The following KAZN variants were observed in gnomAD, a reference collection of about 807,000 sequenced individuals.
KAZN encodes kazrin.
KAZN carries 40 observed loss-of-function variants against 87.4 expected under a neutral mutation model. The ratio of observed to expected loss-of-function variants is 0.46; its 90% CI spans 0.36 to 0.60. The LOEUF (loss-of-function observed/expected upper bound fraction) is 0.60. Among genes scored for constraint, KAZN ranks in the 20% least tolerant of loss-of-function variants. KAZN has a pLI of 0.00. For missense variants in KAZN, 898 were observed against 1,073.9 expected, an observed-to-expected ratio of 0.84 and a Z score of 2.29; for synonymous variants, 466 against 458.3, an observed-to-expected ratio of 1.02 and a Z score of -0.22.
chr1:14,355,112 T>G (rs1430735294), intron 2 of KAZN, among the ~76,000 whole-genome samples: 5 of 152,140 alleles, frequency 3.3e-5, no homozygotes, highest in Non-Finnish European at 7.3e-5. Context: ...AACTATATGA[T>G]TCCACCTATA....
At chr1:14,668,967 C>T (rs1302350214) in intron 1 of KAZN, among the ~76,000 whole-genome samples, 1 of 152,190 alleles carries the variant, frequency 6.6e-6, no homozygotes, top group Non-Finnish European at 1.5e-5. Flanking sequence ...CCCCGGAGAC[C>T]CTTTCAGACA....
At chr1:14,344,895 C>A (rs890714139) in intron 2 of KAZN, among the ~76,000 whole-genome samples, 1 of 151,822 alleles carries the variant, frequency 6.6e-6, no homozygotes, top group Non-Finnish European at 1.5e-5. Context: ...AACACAAACA[C>A]ACACCATTGC....
intron 2 of KAZN, among the ~76,000 whole-genome samples, chr1:14,539,969 T>A (rs930784287): frequency 6.6e-6 from 1 of 152,120 alleles, no homozygotes; most frequent in Non-Finnish European, 1.5e-5. Flanking sequence ...GCCATCCCCA[T>A]CCCATTGTGT....
At chr1:14,486,286 C>T (rs1280531052) in intron 2 of KAZN, among the ~76,000 whole-genome samples, 1 of 152,200 alleles carries the variant, frequency 6.6e-6, no homozygotes, top group Non-Finnish European at 1.5e-5. Flanking sequence ...TTTGAAAGCT[C>T]TCCCTTTACT....
At chr1:14,179,873 C>T (rs938231058) in intron 1 of KAZN, among the ~76,000 whole-genome samples, 2 of 152,274 alleles carry the variant, frequency 1.3e-5, no homozygotes, top group Admixed American at 1.3e-4. Flanking sequence ...ATCTATAACA[C>T]ATCAGATGGT....
Position 14,741,953 on chromosome 1 carries a change from G to T in KAZN, c.226+142730G>T, listed in dbSNP as rs192527916. Among the ~76,000 whole-genome samples, 33 of 151,680 alleles carry T rather than the reference G, an allele frequency of 2.2e-4. No homozygotes were observed. In the East Asian group the frequency reaches 6.2e-3, roughly 28 times the overall value. ...TCTCTCTTGTGGTTGTTTTTTTTTGGGTTGTTTTTTGTTTTGTTTAGGATT... is the reference window on the plus strand; with the variant it reads ...TCTCTCTTGTGGTTGTTTTTTTTTGTGTTGTTTTTTGTTTTGTTTAGGATT... On this transcript the variant is annotated intron_variant, in intron 1 of 14. Coordinates refer to ENST00000376030, the MANE Select transcript of KAZN (RefSeq NM_201628.3).
Position 14,599,346 on chromosome 1 carries a change from C to G in KAZN, c.226+123C>G, listed in dbSNP as rs1676763165. ...AATCGCTTTGCATTCTGGCTTGTAACCCTTTCCGCCCGGCGGTGGCCACCG... is the reference window on the plus strand; with the variant it reads ...AATCGCTTTGCATTCTGGCTTGTAAGCCTTTCCGCCCGGCGGTGGCCACCG... On this transcript the variant is annotated intron_variant, in intron 1 of 14. Coordinates refer to ENST00000376030, the MANE Select transcript of KAZN (RefSeq NM_201628.3). The surrounding 1 kb of genome is among the most constrained non-coding windows in gnomAD (Gnocchi z 4.4). 1.9e-6 allele frequency: 2 copies of G among 1,048,288 alleles called. No homozygotes were observed. The highest frequency in any genetic ancestry group is 3.5e-4 in the Middle Eastern group (1 of 2,822). The allele number at this position is 1,048,288 out of a possible 1,614,324, so 64.9% of individuals were successfully genotyped here. A position where few individuals can be genotyped will look rare whatever the true frequency, so the allele number is the denominator to read the frequency against.
At chr1:14,862,436 T>C (rs138975549) in intron 1 of KAZN, among the ~76,000 whole-genome samples, 1,534 of 152,236 alleles carry the variant, frequency 0.01, 10 homozygotes, top group Middle Eastern at 0.031. Flanking sequence ...TCCAATCAAT[T>C]GAGCTCCTGT....
At chr1:14,106,778 T>C (rs1478967958) in intron 1 of KAZN, among the ~76,000 whole-genome samples, 1 of 152,196 alleles carries the variant, frequency 6.6e-6, no homozygotes, top group Non-Finnish European at 1.5e-5. Flanking sequence ...TATTTTGAGA[T>C]AGTGAGTTTC....
intron 2 of KAZN, among the ~76,000 whole-genome samples, chr1:14,195,012 C>T (rs941867471): frequency 6.6e-5 from 10 of 152,186 alleles, no homozygotes; most frequent in African/African-American, 2.4e-4. Flanking sequence ...CACAATTAAG[C>T]TGCTTGCATA....
chr1:14,231,695 A>G (rs922935839), intron 2 of KAZN, among the ~76,000 whole-genome samples: 1 of 152,236 alleles, frequency 6.6e-6, no homozygotes, highest in Admixed American at 6.5e-5. Context: ...TGTACCAATT[A>G]GGACTCAGAA....
In KAZN at chr1:15,099,077, C is replaced by T. The variant is rs578212039; in HGVS notation, c.1548-2466C>T. 1.3e-3 allele frequency among the ~76,000 whole-genome samples: 204 copies of T among 152,250 alleles called. No individual in the cohort carries two copies. Among genetic ancestry groups the T allele is most frequent in the African/African-American group, 1.7e-3 (72 of 41,546 alleles). On this transcript the variant is annotated intron_variant, in intron 10 of 14. Transcript: ENST00000376030. This position sits in a 1 kb window ranked among gnomAD's most constrained non-coding sequence, Gnocchi z 5.4. ...CTTGGAAGGCTTCCGGGAGACCAGA[C>T]GTCTCTGCAGAGTCCATAGGAGTTC...
chr1:14,231,465 C>T (rs901484173), intron 2 of KAZN, among the ~76,000 whole-genome samples: 2 of 152,064 alleles, frequency 1.3e-5, no homozygotes, highest in African/African-American at 2.4e-5. Flanking sequence ...CGGCCCATGC[C>T]GCCAGCATAG....
At chr1:14,926,637 A>C (rs1428296517) in intron 1 of KAZN, among the ~76,000 whole-genome samples, 1 of 152,220 alleles carries the variant, frequency 6.6e-6, no homozygotes, top group Non-Finnish European at 1.5e-5. Context: ...CTAGGCATTG[A>C]GGACAGCCTG....
chr1:14,064,623 G>A (rs184596881), intron 1 of KAZN, among the ~76,000 whole-genome samples: 3 of 152,322 alleles, frequency 2.0e-5, no homozygotes, highest in Admixed American at 2.0e-4. Context: ...AAAGGAGGCG[G>A]GAAAGCTGGA....
intron 2 of KAZN, among the ~76,000 whole-genome samples, chr1:14,264,624 T>G (rs1011221885): frequency 2.0e-5 from 3 of 152,216 alleles, no homozygotes; most frequent in Non-Finnish European, 4.4e-5. Flanking sequence ...AAGAAGGTCC[T>G]TACAAGATGC....
intron 1 of KAZN, among the ~76,000 whole-genome samples, chr1:14,671,011 A>G (rs967599390): frequency 3.3e-5 from 5 of 152,194 alleles, no homozygotes; most frequent in African/African-American, 1.2e-4. Context: ...CACAGGAAAA[A>G]CAAAAGATTC....
At chr1:14,047,301 A>G (rs1462779134) in intron 1 of KAZN, among the ~76,000 whole-genome samples, 1 of 152,184 alleles carries the variant, frequency 6.6e-6, no homozygotes, top group African/African-American at 2.4e-5. Flanking sequence ...CTCTTTGACA[A>G]CCACTAATCT....
At chr1:14,728,276 A>C (rs2100341972) in intron 1 of KAZN, among the ~76,000 whole-genome samples, 1 of 136,106 alleles carries the variant, frequency 7.3e-6, no homozygotes, top group African/African-American at 2.9e-5. Context: ...GCAAGAGTGA[A>C]ACACCGTATA....
Sources: allele counts gnomAD v4.1 joint callset (sites outside exome capture counted in the v4.1 genomes callset), GRCh38; gene constraint gnomAD v4.1.1; non-coding constraint Gnocchi (gnomAD v3.1); transcripts MANE v1.5; gene names NCBI Gene and HGNC (gene_info 2026-07-23, HGNC 2026-07-21).